Variants in LIFR observed in about 807,000 individuals in gnomAD.
The protein encoded by LIFR is leukemia inhibitory factor receptor.
Under a neutral mutation model 122.2 loss-of-function variants are expected in LIFR, and 84 were observed. The ratio of observed to expected loss-of-function variants is 0.69; its 90% CI spans 0.58 to 0.82. The LOEUF is 0.82. Among genes scored for constraint, LIFR ranks in the 40% least tolerant of loss-of-function variants. LIFR has a pLI of 0.00. For missense variants in LIFR, 1,294 were observed against 1,311.6 expected (o/e 0.99, Z 0.21); for synonymous variants, 422 against 434.7 (o/e 0.97, Z 0.36).
In LIFR at chr5:38,489,065, T is replaced by G. The variant is rs749274436; in HGVS notation, c.2335+13A>C. ...TCTAAGAAACACTTTCCTTGTGCTA[T>G]CAATTTACTCACCTGATTCTAAAAC... is the stretch of plus-strand genomic sequence containing the variant. On this transcript the variant is annotated intron_variant, in intron 16 of 19. Transcript: ENST00000453190. 1.1e-5 allele frequency: 17 copies of G among 1,607,870 alleles called. No individual in the cohort carries two copies. The highest frequency in any genetic ancestry group is 1.0e-4 in the Admixed American group (6 of 59,994).
At chr5:38,553,474 T>C (rs1449579211) in intron 1 of LIFR, among the ~76,000 whole-genome samples, 1 of 151,418 alleles carries the variant, frequency 6.6e-6, no homozygotes, top group Non-Finnish European at 1.5e-5. Flanking sequence ...ATTTAGTCCC[T>C]AGAAAGTTGT....
chr5:38,488,394 C>G (rs1472705983), intron 16 of LIFR, among the ~76,000 whole-genome samples: 1 of 152,120 alleles, frequency 6.6e-6, no homozygotes, highest in South Asian at 2.1e-4. Context: ...GCGAGGTCAT[C>G]CAGGGACATG....
At chr5:38,529,517 A>G (rs905544821) in intron 2 of LIFR, among the ~76,000 whole-genome samples, 4 of 152,184 alleles carry the variant, frequency 2.6e-5, no homozygotes, top group Non-Finnish European at 5.9e-5. Context: ...GTAACAATTC[A>G]GAAGATTACA....
In LIFR at chr5:38,527,146, A is replaced by G; in HGVS notation, c.397+9T>C. Reference sequence around the variant, plus strand: ...TACTTTAAAATTGAGTTTGTTTTCAAATACTTACAAACGTTTTGTTCATTT... The same window carrying G: ...TACTTTAAAATTGAGTTTGTTTTCAGATACTTACAAACGTTTTGTTCATTT... On this transcript the variant is annotated intron_variant, in intron 4 of 19. Transcript: ENST00000453190. The G allele has an allele frequency of 6.3e-7, 1 of 1,585,764 alleles. No homozygotes were observed. The highest frequency in any genetic ancestry group is 1.1e-5 in the South Asian group (1 of 88,956).
Position 38,482,585 on chromosome 5 carries a change from T to A in LIFR, c.2670+4A>T, listed in dbSNP as rs760755466. ...AAGATAAATATAAGAAAATAAAAGA[T>A]TACCTCACAGACACTCTTTTGAAAC... On this transcript the variant is annotated splice_donor_region_variant and intron_variant, in intron 19 of 19. Transcript: ENST00000453190. 1 of 1,401,448 alleles carries A rather than the reference T, an allele frequency of 7.1e-7. No individual in the cohort carries two copies. Among genetic ancestry groups the A allele is most frequent in the Non-Finnish European group, 9.8e-7 (1 of 1,016,022 alleles). 86.8% of individuals were successfully genotyped at this position (1,401,448 alleles called of 1,614,324 possible).
intron 1 of LIFR, chr5:38,579,343 ATAT>A (rs1749504738): frequency 6.6e-6 from 1 of 152,232 alleles, no homozygotes; most frequent in Non-Finnish European, 1.5e-5. Context: ...GAGAAGGATA[ATAT>A]TTCTACAGAA....
intron 5 of LIFR, among the ~76,000 whole-genome samples, chr5:38,514,787 G>A (rs1409370004): frequency 6.6e-6 from 1 of 152,102 alleles, no homozygotes. Context: ...TTATTCCTTA[G>A]ACAATACAGT....
chr5:38,505,345 T>C (rs1242256599), intron 9 of LIFR, among the ~76,000 whole-genome samples: 6 of 151,992 alleles, frequency 3.9e-5, no homozygotes, highest in African/African-American at 1.5e-4. Flanking sequence ...AGGGCAGTTC[T>C]GTATCTTGCA....
intron 1 of LIFR, among the ~76,000 whole-genome samples, chr5:38,570,219 G>C (rs1433664922): frequency 6.6e-6 from 1 of 152,116 alleles, no homozygotes; most frequent in East Asian, 1.9e-4. Context: ...TCTAAGTAGA[G>C]CATTTAGAAC....
rs776106608 is a variant in LIFR, at chr5:38,477,385, G to A, written c.*4210C>T. On this transcript the variant is annotated 3_prime_UTR_variant, in exon 20 of 20. Coordinates refer to ENST00000453190, the MANE Select transcript of LIFR (RefSeq NM_001127671.2). ...TAGAATAAATAAGATGGGCATGACA[G>A]CATGAAACTTCATTTCAGCAGGAAA... 1 of 211,900 alleles carries A rather than the reference G, an allele frequency of 4.7e-6. No homozygotes were observed. The highest frequency in any genetic ancestry group is 2.3e-5 in the African/African-American group (1 of 44,140). 13.1% of individuals were successfully genotyped at this position (211,900 alleles called of 1,614,324 possible).
At chr5:38,564,724 T>TAC (rs1491087038) in intron 1 of LIFR, among the ~76,000 whole-genome samples, 1 of 143,290 alleles carries the variant, frequency 7.0e-6, no homozygotes, top group South Asian at 2.3e-4. Context: ...AATATATATA[T>TAC]ACACACACAC....
Position 38,504,125 on chromosome 5 carries a change from C to T in LIFR, c.1292-4G>A, listed in dbSNP as rs1299283129. ...GAAGTAGGAGTATGGGGATAAACTG[C>T]AAATATAATTTTTAAAGATTAAACA... On this transcript the variant is annotated splice_region_variant and splice_polypyrimidine_tract_variant and intron_variant, in intron 9 of 19. Transcript: ENST00000453190. 3 of 1,516,834 alleles carry T rather than the reference C, an allele frequency of 2.0e-6. No individual in the cohort carries two copies. Among genetic ancestry groups the T allele is most frequent in the Non-Finnish European group, 2.7e-6 (3 of 1,093,008 alleles). 94.0% of individuals were successfully genotyped at this position (1,516,834 alleles called of 1,614,324 possible).
At chr5:38,572,206 A>G (rs1220344169) in intron 1 of LIFR, among the ~76,000 whole-genome samples, 1 of 152,250 alleles carries the variant, frequency 6.6e-6, no homozygotes, top group African/African-American at 2.4e-5. Context: ...CAGGAAGCAT[A>G]GCAGCTTCTG....
intron 1 of LIFR, among the ~76,000 whole-genome samples, chr5:38,588,750 G>A (rs1291634446): frequency 6.6e-6 from 1 of 152,114 alleles, no homozygotes; most frequent in Non-Finnish European, 1.5e-5. Context: ...GGAAAGAAAT[G>A]ACCCCTAATA....
rs555701719 is a variant in LIFR at position 38,529,583 on chromosome 5, A to G, written c.143-743T>C. On this transcript the variant is annotated intron_variant, in intron 2 of 19. Coordinates refer to ENST00000453190, the MANE Select transcript of LIFR (RefSeq NM_001127671.2). ...ATAACATTACACCATGGAATATGTA[A>G]GCACTATGCAATGAAAAAAGTCACC... 2.0e-4 allele frequency among the ~76,000 whole-genome samples: 30 copies of G among 152,258 alleles called. No homozygotes were observed. The South Asian group carries it at 4.6e-3, about 23-fold the overall frequency.
At chr5:38,515,021 T>C (rs1007923534) in intron 5 of LIFR, among the ~76,000 whole-genome samples, 10 of 152,030 alleles carry the variant, frequency 6.6e-5, no homozygotes, top group African/African-American at 2.4e-4. Context: ...CGACTGGAGA[T>C]TTGGCAAAAA....
upstream of LIFR, among the ~76,000 whole-genome samples, chr5:38,561,189 T>C (rs1449544186): frequency 2.6e-5 from 4 of 152,322 alleles, no homozygotes; most frequent in East Asian, 5.8e-4. Context: ...ACCTGAGCGA[T>C]ACTCACATAT....
chr5:38,598,036 G>A (rs1750140718), upstream of LIFR, among the ~76,000 whole-genome samples: 1 of 151,666 alleles, frequency 6.6e-6, no homozygotes, highest in Non-Finnish European at 1.5e-5. Context: ...GAAAAAAAAA[G>A]GTTGAGAAAC....
chr5:38,607,446 G>C (rs1354836443), intron 1 of LIFR, among the ~76,000 whole-genome samples: 1 of 151,944 alleles, frequency 6.6e-6, no homozygotes, highest in Non-Finnish European at 1.5e-5. Context: ...ATTCAACATA[G>C]CTCTCAAACT....
Sources: gnomAD v4.1 joint callset for allele counts (sites outside exome capture counted in the v4.1 genomes callset) on GRCh38, gnomAD v4.1.1 for gene constraint, MANE v1.5 for transcripts, NCBI Gene and HGNC (gene_info 2026-07-23, HGNC 2026-07-21) for gene names.